ZNF521: variants seen among roughly 807,000 people sequenced by gnomAD.
The protein encoded by ZNF521 is LYST-interacting protein 3.
In ZNF521, 14 loss-of-function variants were observed where a neutral mutation model predicts 105.5. That is an observed-to-expected ratio of 0.13 (90% CI 0.09 to 0.21). ZNF521 has a LOEUF of 0.21. ZNF521 is among the 10% of genes least tolerant of loss of function. The pLI, the probability that ZNF521 is intolerant of heterozygous loss-of-function variation, is 1.00. For synonymous variants in ZNF521, 635 were observed against 606.0 expected (o/e 1.05, Z -0.70); for missense variants, 1,233 against 1,629.7 (o/e 0.76, Z 4.19).
At chr18:25,129,954 T>G (rs1432483336) in intron 5 of ZNF521, among the ~76,000 whole-genome samples, 1 of 152,156 alleles carries the variant, frequency 6.6e-6, no homozygotes, top group Non-Finnish European at 1.5e-5. Flanking sequence ...AAGCATAATA[T>G]TAACATATTA....
intron 3 of ZNF521, among the ~76,000 whole-genome samples, chr18:25,271,475 A>C (rs1360929527): frequency 6.6e-6 from 1 of 152,224 alleles, no homozygotes; most frequent in Non-Finnish European, 1.5e-5. Context: ...TCCTAAGCAA[A>C]AAGAACAAAG....
At chr18:25,286,621 C>T (rs558848916) in intron 3 of ZNF521, among the ~76,000 whole-genome samples, 1 of 152,142 alleles carries the variant, frequency 6.6e-6, no homozygotes, top group Non-Finnish European at 1.5e-5. Context: ...ATCTCATAGA[C>T]TATATATCTC....
chr18:25,210,133 T>C (rs1489292831), intron 4 of ZNF521, among the ~76,000 whole-genome samples: 6 of 151,766 alleles, frequency 4.0e-5, no homozygotes, highest in African/African-American at 1.5e-4. Context: ...AAATGATTTA[T>C]CACATATGAC....
chr18:25,077,483 T>C (rs1355069464), intron 7 of ZNF521, among the ~76,000 whole-genome samples: 3 of 152,058 alleles, frequency 2.0e-5, no homozygotes, highest in African/African-American at 7.3e-5. Context: ...CACATCCGCG[T>C]GCCCCCCACA....
At chr18:25,207,384 A>C (rs1171086049) in intron 4 of ZNF521, among the ~76,000 whole-genome samples, 1 of 152,154 alleles carries the variant, frequency 6.6e-6, no homozygotes, top group African/African-American at 2.4e-5. Context: ...CTTGCAACTC[A>C]TCGGGGCTCC....
chr18:25,336,417 C>T (rs1201175759), intron 2 of ZNF521, among the ~76,000 whole-genome samples: 2 of 152,148 alleles, frequency 1.3e-5, no homozygotes, highest in Admixed American at 1.3e-4. Context: ...GTTCCTCTCC[C>T]AAGAACAATT....
At chr18:25,319,362 G>T (rs549342999) in intron 3 of ZNF521, among the ~76,000 whole-genome samples, 1 of 152,292 alleles carries the variant, frequency 6.6e-6, no homozygotes, top group South Asian at 2.1e-4. Context: ...GGGAGGCCGA[G>T]GCAGGCGCAT....
At chr18:25,073,010 T>C (rs556874974) in intron 7 of ZNF521, among the ~76,000 whole-genome samples, 2 of 152,154 alleles carry the variant, frequency 1.3e-5, no homozygotes, top group Non-Finnish European at 2.9e-5. Flanking sequence ...TTTAGATACC[T>C]TAAAGATAAA....
chr18:25,077,940 GA>G (rs921124979), intron 7 of ZNF521, among the ~76,000 whole-genome samples: 30 of 147,528 alleles, frequency 2.0e-4, no homozygotes, highest in South Asian at 1.3e-3. Context: ...CAAAGAAGAA[GA>G]AAAAAAAAAC....
intron 7 of ZNF521, among the ~76,000 whole-genome samples, chr18:25,079,574 T>C (rs1465175741): frequency 6.6e-6 from 1 of 150,500 alleles, no homozygotes; most frequent in Non-Finnish European, 1.5e-5. Flanking sequence ...CTGACTATAC[T>C]AACACCAAGA....
At chr18:25,171,716 C>A (rs1193547953) in intron 5 of ZNF521, among the ~76,000 whole-genome samples, 1 of 152,030 alleles carries the variant, frequency 6.6e-6, no homozygotes, top group Non-Finnish European at 1.5e-5. Flanking sequence ...TAAAATGGGG[C>A]AACATAAGGC....
chr18:25,257,147 G>A (rs1014557717), intron 3 of ZNF521, among the ~76,000 whole-genome samples: 1 of 152,126 alleles, frequency 6.6e-6, no homozygotes, highest in Non-Finnish European at 1.5e-5. Flanking sequence ...CACTTCTGTT[G>A]CTTTGAGGAA....
intron 5 of ZNF521, among the ~76,000 whole-genome samples, chr18:25,119,052 C>G (rs1377717066): frequency 6.6e-6 from 1 of 151,978 alleles, no homozygotes; most frequent in Non-Finnish European, 1.5e-5. Context: ...GCCAACTGCT[C>G]TGGAAAATAT....
chr18:25,207,959 A>G (rs2036112009), intron 4 of ZNF521, among the ~76,000 whole-genome samples: 1 of 152,212 alleles, frequency 6.6e-6, no homozygotes, highest in South Asian at 2.1e-4. Context: ...ATTCTACCAC[A>G]GTATATAATA....
intron 7 of ZNF521, among the ~76,000 whole-genome samples, chr18:25,086,796 C>A (rs77115133): frequency 0.012 from 1,886 of 152,100 alleles, 44 homozygotes; most frequent in African/African-American, 0.043. Context: ...TTTGTATGAG[C>A]GAGTCAGAAA....
At chr18:25,089,771 C>T (rs573369147) in intron 6 of ZNF521, among the ~76,000 whole-genome samples, 191 bp from the exon 7 acceptor site, 43 of 152,192 alleles carry the variant, frequency 2.8e-4, no homozygotes, top group South Asian at 1.0e-3. Context: ...ATGCACTCTA[C>T]GGAGCACCTA....
chr18:25,284,966 G>A (rs1312195567), intron 3 of ZNF521, among the ~76,000 whole-genome samples: 1 of 150,566 alleles, frequency 6.6e-6, no homozygotes, highest in African/African-American at 2.4e-5. Flanking sequence ...TATTTCAAAA[G>A]CCACATCTAA....
At chr18:25,273,153 G>A (rs1453315444) in intron 3 of ZNF521, among the ~76,000 whole-genome samples, 1 of 132,758 alleles carries the variant, frequency 7.5e-6, no homozygotes, top group Non-Finnish European at 1.5e-5. Flanking sequence ...CTTGAGCCCA[G>A]GATACGAAGG....
chr18:25,287,585 A>AAGAAATTCAGG (rs1295883647), intron 3 of ZNF521, among the ~76,000 whole-genome samples: 17 of 151,578 alleles, frequency 1.1e-4, no homozygotes, highest in Non-Finnish European at 1.9e-4. Context: ...ACCCCTCCTT[A>AAGAAATTCAGG]AGAAATTCAG....
Sources: gnomAD v4.1 joint callset for allele counts (sites outside exome capture counted in the v4.1 genomes callset) on GRCh38, gnomAD v4.1.1 for gene constraint, MANE v1.5 for transcripts, NCBI Gene and HGNC (gene_info 2026-07-23, HGNC 2026-07-21) for gene names.